CORO7: variants seen among roughly 807,000 people sequenced by gnomAD.
CORO7 encodes coronin-7.
A neutral mutation model predicts 126.6 loss-of-function variants in CORO7; 107 were observed. The ratio of observed to expected loss-of-function variants is 0.85; its 90% CI spans 0.72 to 0.99. The LOEUF (loss-of-function observed/expected upper bound fraction) is 0.99. Ranked by LOEUF, CORO7 falls within the 50% of genes least tolerant of loss-of-function variation. CORO7 has a pLI of 0.00. For synonymous variants in CORO7, 603 were observed against 536.8 expected, an observed-to-expected ratio of 1.12 and a Z score of -1.70; for missense variants, 1,314 against 1,255.8, an observed-to-expected ratio of 1.05 and a Z score of -0.70.
chr16:4,364,786 C>T lies in CORO7; in HGVS notation c.1033G>A (p.Val345Met), dbSNP rs1190924819. 4.3e-6 allele frequency: 7 copies of T among 1,611,014 alleles called. No individual in the cohort carries two copies. The African/African-American group carries it at 9.3e-5, about 22-fold the overall frequency. The change falls in exon 12 of 28, where the codon GTG becomes ATG. Residue 345 changes from valine to methionine, a missense_variant. By Grantham distance (21) the Val-to-Met change is conservative (BLOSUM62 1). Coordinates refer to ENST00000251166, the MANE Select transcript of CORO7 (RefSeq NM_024535.5). ...CAAGTCCCCCTCACCTTGCGGGGCACATGGTAGCCGATGGGCACGATGGCT... is the reference window on the plus strand; with the variant it reads ...CAAGTCCCCCTCACCTTGCGGGGCATATGGTAGCCGATGGGCACGATGGCT... Reference protein sequence around the residue: ...DTAIVPIGYHVPRKAVEFHED... With the variant: ...DTAIVPIGYHMPRKAVEFHED...
In CORO7 at chr16:4,362,858, G is replaced by A. The variant is rs2054227410; in HGVS notation, c.1276-120C>T. 5 of 1,202,954 alleles carry A rather than the reference G, an allele frequency of 4.2e-6. No homozygotes were observed. The East Asian group carries it at 1.6e-4, about 38-fold the overall frequency. The allele number at this position is 1,202,954 out of a possible 1,614,324, so 74.5% of individuals were successfully genotyped here. ...CCTGCGGACTGGAGGAGCCCCCACT[G>A]TGGGCATGCGACAGGAGCGGCGGGG... On this transcript the variant is annotated intron_variant, in intron 14 of 27. Coordinates refer to ENST00000251166, the MANE Select transcript of CORO7 (RefSeq NM_024535.5). This position sits in a 1 kb window ranked among gnomAD's most constrained non-coding sequence, Gnocchi z 5.3.
intron 9 of CORO7, among the ~76,000 whole-genome samples, chr16:4,375,431 G>A (rs758348838): frequency 8.5e-5 from 13 of 152,192 alleles, no homozygotes; most frequent in African/African-American, 2.4e-4. Context: ...CTGGCTGTGC[G>A]GAGGACTCGC....
At chr16:4,377,504 C>T (rs969247559) in intron 9 of CORO7, among the ~76,000 whole-genome samples, 29 of 152,348 alleles carry the variant, frequency 1.9e-4, no homozygotes, top group African/African-American at 6.5e-4. Context: ...AACAGAACAA[C>T]AGAAAACTAC....
intron 3 of CORO7, among the ~76,000 whole-genome samples, chr16:4,409,918 G>A (rs928269562): frequency 2.0e-5 from 3 of 152,316 alleles, no homozygotes; most frequent in Admixed American, 2.0e-4. Context: ...GCAGGTTCCA[G>A]GGGTGCTGGA....
At chr16:4,410,820 T>C (rs908929931) in intron 3 of CORO7, among the ~76,000 whole-genome samples, 1 of 152,206 alleles carries the variant, frequency 6.6e-6, no homozygotes, top group African/African-American at 2.4e-5. Flanking sequence ...TCTGCAGTTG[T>C]TGCAAGAAAG....
chr16:4,388,121 C>T (rs72766585), intron 8 of CORO7, 53 bp from the exon 9 acceptor site: 25,894 of 1,566,552 alleles, frequency 0.017, 302 homozygotes, highest in African/African-American at 0.04. Flanking sequence ...CAGCCCCACC[C>T]GGGGGGCTCC....
chr16:4,382,546 C>A (rs1375036211), intron 9 of CORO7: 4 of 1,593,320 alleles, frequency 2.5e-6, no homozygotes, highest in Non-Finnish European at 3.4e-6. Context: ...CCATACACCC[C>A]CAGCCGTCCA....
intron 3 of CORO7, among the ~76,000 whole-genome samples, chr16:4,411,531 G>A (rs945620308): frequency 5.9e-5 from 9 of 152,246 alleles, no homozygotes; most frequent in African/African-American, 2.2e-4. Context: ...GCAAGACCTC[G>A]TCTCTATATA....
Position 4,359,364 on chromosome 16 carries a change from A to G in CORO7, c.2272T>C (p.Tyr758His). ...AAAGGGGACTCGGGGAGCAGCTCGT[A>G]CAGGAATACACGGGTGTCGCCCTGC... Reference protein sequence around the residue: ...TGKGDTRVFLYELLPESPFFL... With the variant: ...TGKGDTRVFLHELLPESPFFL... The change falls in exon 23 of 28, where the codon TAC becomes CAC. Residue 758 changes from tyrosine (Y) to histidine (H), a missense_variant. Tyr to His is a moderately conservative substitution (Grantham distance 83). Transcript: ENST00000251166. 2 of 1,613,536 alleles carry G rather than the reference A, an allele frequency of 1.2e-6. No individual in the cohort carries two copies. Among genetic ancestry groups the G allele is most frequent in the South Asian group, 1.1e-5 (1 of 90,990 alleles).
intron 7 of CORO7, 125 bp from the exon 8 acceptor site, chr16:4,388,756 A>C (rs1169158810): frequency 4.8e-6 from 5 of 1,050,044 alleles, no homozygotes; most frequent in Non-Finnish European, 6.9e-6. Flanking sequence ...GAGGGTGGGA[A>C]GGGCTGGGTC....
Position 4,364,847 on chromosome 16 carries a change from G to T in CORO7, c.972C>A (p.Ser324Arg). 6.2e-7 allele frequency: 1 copy of T among 1,612,076 alleles called. No homozygotes were observed. The highest frequency in any genetic ancestry group is 8.5e-7 in the Non-Finnish European group (1 of 1,179,832). Reference protein sequence around the residue: ...LVPRQALAVMSCEVLRVLQLS... With the variant: ...LVPRQALAVMRCEVLRVLQLS... ...GCTGTAGGACGCGGAGTACCTCGCA[G>T]CTCATGACGGCCAGCGCCTGCCGGG... Residue 324 changes from serine (S) to arginine (R), a missense_variant, in exon 12 of 28, where the codon AGC (serine) becomes AGA (arginine). Ser to Arg is a moderately radical substitution (Grantham distance 110, BLOSUM62 -1). Coordinates refer to ENST00000251166, the MANE Select transcript of CORO7 (RefSeq NM_024535.5).
At chr16:4,410,691 C>A (rs987306948) in intron 3 of CORO7, among the ~76,000 whole-genome samples, 1 of 152,134 alleles carries the variant, frequency 6.6e-6, no homozygotes, top group Admixed American at 6.5e-5. Context: ...ATTCCATTTG[C>A]GTGAGATGCG....
At chr16:4,413,285 C>A (rs1271025350) in intron 2 of CORO7, 23 bp downstream of exon 2, 1 of 1,557,078 alleles carries the variant, frequency 6.4e-7, no homozygotes, top group Non-Finnish European at 8.7e-7. Context: ...GAGCAAATAT[C>A]CACACTCATG....
At chr16:4,383,497 T>C (rs1050745005) in intron 9 of CORO7, 16 of 167,104 alleles carry the variant, frequency 9.6e-5, no homozygotes, top group African/African-American at 3.8e-4. Context: ...TGAAGGCCTT[T>C]TGTAAGAAAA....
chr16:4,378,424 C>T (rs1464146994), intron 9 of CORO7, among the ~76,000 whole-genome samples: 1 of 152,110 alleles, frequency 6.6e-6, no homozygotes, highest in African/African-American at 2.4e-5. Context: ...TGGTCTGGCC[C>T]TGCTGGGAGG....
intron 14 of CORO7, among the ~76,000 whole-genome samples, chr16:4,363,929 G>A (rs2054264628): frequency 6.6e-6 from 1 of 152,098 alleles, no homozygotes; most frequent in South Asian, 2.1e-4. Flanking sequence ...TGAGGCAGGA[G>A]AATCACTTGA....
intron 9 of CORO7, among the ~76,000 whole-genome samples, chr16:4,384,302 T>C (rs1006650275): frequency 6.6e-5 from 10 of 152,222 alleles, no homozygotes; most frequent in African/African-American, 2.2e-4. Context: ...GGGAGCATTT[T>C]CCAGGAAGGC....
At chr16:4,373,260 T>G (rs2054597353) in intron 9 of CORO7, among the ~76,000 whole-genome samples, 2 of 152,034 alleles carry the variant, frequency 1.3e-5, no homozygotes, top group Admixed American at 1.3e-4. Context: ...GCAGCCCAGC[T>G]GGATCCCCTC....
chr16:4,384,702 G>A lies in CORO7; in HGVS notation c.785+3284C>T, dbSNP rs148406058. ...GCTCTGGCACGAGGAGGGAGGAGGCGGGCCGTGGGTCATGGCGGGCAGTGG... is the reference window on the plus strand; with the variant it reads ...GCTCTGGCACGAGGAGGGAGGAGGCAGGCCGTGGGTCATGGCGGGCAGTGG... On this transcript the variant is annotated intron_variant, in intron 9 of 27. Transcript: ENST00000251166. Among the ~76,000 whole-genome samples the A allele has an allele frequency of 5.1e-3, 782 of 152,330 alleles. 8 individuals are homozygous for A. Among genetic ancestry groups the A allele is most frequent in the African/African-American group, 0.018 (734 of 41,572 alleles).
Sources: gnomAD v4.1 joint callset for allele counts (sites outside exome capture counted in the v4.1 genomes callset) on GRCh38, gnomAD v4.1.1 for gene constraint, Gnocchi (gnomAD v3.1) non-coding constraint, MANE v1.5 for transcripts, NCBI Gene and HGNC (gene_info 2026-07-23, HGNC 2026-07-21) for gene names.